The following DDB2 variants were observed in gnomAD, a reference collection of about 807,000 sequenced individuals.
DDB2 encodes the protein damage specific DNA binding protein 2, also known as DNA damage-binding protein 2.
In DDB2, 27 loss-of-function variants were observed where a neutral mutation model predicts 50.5. The observed-to-expected ratio is 0.53, with a 90% CI of 0.39 to 0.74. The LOEUF (loss-of-function observed/expected upper bound fraction) is 0.74, where lower values mean the gene tolerates loss of function less well. Among genes scored for constraint, DDB2 ranks in the 30% least tolerant of loss-of-function variants. DDB2 has a pLI of 0.00. For synonymous variants in DDB2, 176 were observed against 205.5 expected, an observed-to-expected ratio of 0.86 and a Z score of 1.23; for missense variants, 424 against 545.6, an observed-to-expected ratio of 0.78 and a Z score of 2.22.
In DDB2 at chr11:47,215,103, A is replaced by T; in HGVS notation, c.-34A>T. ...TCAATCCTCCCTCCATGATCTTCGC[A>T]TAGAGCACAGTACCCCTTCACACGG... is the stretch of plus-strand genomic sequence containing the variant. On this transcript the variant is annotated 5_prime_UTR_variant, in exon 1 of 10. Transcript: ENST00000256996. 1.2e-6 allele frequency: 2 copies of T among 1,613,864 alleles called. No homozygotes were observed. Among genetic ancestry groups the T allele is most frequent in the Non-Finnish European group, 1.7e-6 (2 of 1,179,928 alleles).
At chr11:47,229,197 G>C (rs911540573) in intron 3 of DDB2, among the ~76,000 whole-genome samples, 2 of 152,064 alleles carry the variant, frequency 1.3e-5, no homozygotes, top group Non-Finnish European at 2.9e-5. Flanking sequence ...TGGCAGCTCA[G>C]TACATAGAGA....
rs4647756 is a variant in DDB2 at position 47,237,428 on chromosome 11, A to C, written c.1024-409A>C. On this transcript the variant is annotated intron_variant, in intron 7 of 9. Transcript: ENST00000256996. ...TATTAGGTTGGCTTGTTACTGGCAAATACTACTTTTTTTTTTTTTTTTTTG... is the reference window on the plus strand; with the variant it reads ...TATTAGGTTGGCTTGTTACTGGCAACTACTACTTTTTTTTTTTTTTTTTTG... Among the ~76,000 whole-genome samples the C allele has an allele frequency of 4.0e-3, 599 of 151,538 alleles. 12 individuals are homozygous for C. The South Asian group carries it at 0.047, about 12-fold the overall frequency.
intron 4 of DDB2, among the ~76,000 whole-genome samples, chr11:47,233,817 A>G (rs1953684215): frequency 6.6e-6 from 1 of 152,050 alleles, no homozygotes; most frequent in South Asian, 2.1e-4. Context: ...GGGTGTAACT[A>G]GCATTGGATT....
chr11:47,217,692 C>T (rs1953420983), intron 3 of DDB2, among the ~76,000 whole-genome samples: 1 of 151,966 alleles, frequency 6.6e-6, no homozygotes, highest in South Asian at 2.1e-4. Context: ...GAGATGGAGA[C>T]CATCCTGGCC....
intron 7 of DDB2, among the ~76,000 whole-genome samples, chr11:47,236,537 G>A (rs975339045): frequency 7.9e-5 from 12 of 152,142 alleles, no homozygotes; most frequent in East Asian, 3.8e-4. Context: ...CAGACCCCCC[G>A]GGTTAGAATC....
intron 2 of DDB2, 70 bp from the exon 3 acceptor site, chr11:47,216,788 G>A: frequency 2.0e-6 from 3 of 1,484,048 alleles, no homozygotes; most frequent in East Asian, 4.5e-5. Context: ...ATCCATGAAG[G>A]AGGCAGAGAT....
At chr11:47,230,375 A>G (rs1262606646) in intron 3 of DDB2, among the ~76,000 whole-genome samples, 2 of 152,134 alleles carry the variant, frequency 1.3e-5, no homozygotes, top group Non-Finnish European at 2.9e-5. Flanking sequence ...TATTTTTGCA[A>G]CTCATTATCA....
chr11:47,234,498 C>T, intron 4 of DDB2, 75 bp from the exon 5 acceptor site: 1 of 1,189,122 alleles, frequency 8.4e-7, no homozygotes, highest in South Asian at 1.2e-5. Flanking sequence ...GTGGGTTAGT[C>T]ACCGGAGCGG....
intron 3 of DDB2, among the ~76,000 whole-genome samples, chr11:47,223,238 A>T (rs1390466782): frequency 2.0e-5 from 3 of 151,888 alleles, no homozygotes; most frequent in Non-Finnish European, 4.4e-5. Context: ...TAATCCCAGC[A>T]TTTTGGGGGG....
chr11:47,237,434 C>CTTTT (rs564311013), intron 7 of DDB2, among the ~76,000 whole-genome samples: 1 of 139,220 alleles, frequency 7.2e-6, no homozygotes, highest in Non-Finnish European at 1.6e-5. Flanking sequence ...GCAAATACTA[C>CTTTT]TTTTTTTTTT....
chr11:47,217,252 T>TA, intron 3 of DDB2: 1 of 477,108 alleles, frequency 2.1e-6, no homozygotes, highest in Non-Finnish European at 3.9e-6. Context: ...GGCAGGCGCC[T>TA]ATAATCCCAG....
chr11:47,234,263 G>T (rs989193847), intron 4 of DDB2, among the ~76,000 whole-genome samples: 2 of 143,098 alleles, frequency 1.4e-5, no homozygotes, highest in Non-Finnish European at 3.2e-5. Flanking sequence ...CCCGGGGTGT[G>T]GGGGGCAGGC....
At chr11:47,216,760 G>A in intron 2 of DDB2, 98 bp from the exon 3 acceptor site, 9 of 1,266,390 alleles carry the variant, frequency 7.1e-6, no homozygotes, top group Non-Finnish European at 1.0e-5. Flanking sequence ...TTGGTGGGAG[G>A]ACTTGGATCT....
At chr11:47,228,138 C>G (rs1198339877) in intron 3 of DDB2, among the ~76,000 whole-genome samples, 1 of 57,464 alleles carries the variant, frequency 1.7e-5, no homozygotes, top group Non-Finnish European at 3.4e-5. Context: ...GGCTCTGTCT[C>G]AAAAAAAAAA....
intron 9 of DDB2, among the ~76,000 whole-genome samples, chr11:47,238,523 C>T (rs952216795): frequency 1.3e-5 from 2 of 152,106 alleles, no homozygotes; most frequent in Non-Finnish European, 2.9e-5. Context: ...CTCAACCTCT[C>T]GAGTAGCTAG....
intron 1 of DDB2, 169 bp downstream of exon 1, chr11:47,215,432 A>G (rs1953386983): frequency 5.7e-6 from 5 of 869,580 alleles, no homozygotes. Context: ...TTTAGGTTTC[A>G]ACACCTCTCC....
intron 5 of DDB2, 40 bp downstream of exon 5, chr11:47,234,712 C>T: frequency 6.2e-7 from 1 of 1,613,928 alleles, no homozygotes; most frequent in South Asian, 1.1e-5. Context: ...CCCTCACCCC[C>T]ACCTCGGTTC....
chr11:47,233,150 G>A, intron 4 of DDB2, 191 bp downstream of exon 4: 2 of 683,726 alleles, frequency 2.9e-6, no homozygotes, highest in Admixed American at 4.3e-5. Context: ...GTGGGTTACT[G>A]CTTTGGGAAG....
chr11:47,219,773 G>A (rs1269487766), intron 3 of DDB2, among the ~76,000 whole-genome samples: 1 of 151,660 alleles, frequency 6.6e-6, no homozygotes, highest in African/African-American at 2.4e-5. Context: ...CCCAGGAGGA[G>A]GTCTCTTTAT....
Sources: allele counts gnomAD v4.1 joint callset (sites outside exome capture counted in the v4.1 genomes callset), GRCh38; gene constraint gnomAD v4.1.1; transcripts MANE v1.5; gene names NCBI Gene and HGNC (gene_info 2026-07-23, HGNC 2026-07-21).